CTNNA3: variants seen among roughly 807,000 people sequenced by gnomAD.
The protein encoded by CTNNA3 is catenin alpha 3, also known as catenin alpha-3.
CTNNA3 carries 76 observed loss-of-function variants against 95.7 expected under a neutral mutation model. The observed-to-expected ratio is 0.79, with a 90% CI of 0.66 to 0.96. The LOEUF (loss-of-function observed/expected upper bound fraction) is 0.96, where lower values mean the gene tolerates loss of function less well. Among genes scored for constraint, CTNNA3 ranks in the 40% least tolerant of loss-of-function variants. The pLI, the probability that CTNNA3 is intolerant of heterozygous loss-of-function variation, is 0.00. For missense variants in CTNNA3, 1,191 were observed against 1,089.8 expected (o/e 1.09, Z -1.31); for synonymous variants, 431 against 374.4 (o/e 1.15, Z -1.74).
chr10:66,863,347 A>G (rs1268443754), intron 7 of CTNNA3, among the ~76,000 whole-genome samples: 1 of 152,146 alleles, frequency 6.6e-6, no homozygotes, highest in African/African-American at 2.4e-5. Flanking sequence ...ATCATCCGCT[A>G]TATGGCATGG....
chr10:66,139,142 T>A (rs1231398918), intron 13 of CTNNA3, among the ~76,000 whole-genome samples: 3 of 152,200 alleles, frequency 2.0e-5, no homozygotes, highest in Non-Finnish European at 4.4e-5. Context: ...CTAAGATTCC[T>A]CTTAGATTTA....
intron 5 of CTNNA3, among the ~76,000 whole-genome samples, chr10:67,387,328 C>T (rs987416759): frequency 6.6e-6 from 1 of 152,180 alleles, no homozygotes; most frequent in Non-Finnish European, 1.5e-5. Context: ...GTCACTCCCA[C>T]CCGAATACTG....
chr10:67,682,341 A>G (rs1412766408), intron 1 of CTNNA3, among the ~76,000 whole-genome samples: 1 of 151,492 alleles, frequency 6.6e-6, no homozygotes, highest in Non-Finnish European at 1.5e-5. Flanking sequence ...AAAAAAAAAG[A>G]CTCAATAGAA....
chr10:65,921,545 A>C (rs2077086176), intron 17 of CTNNA3, among the ~76,000 whole-genome samples: 1 of 152,242 alleles, frequency 6.6e-6, no homozygotes, highest in Non-Finnish European at 1.5e-5. Flanking sequence ...TTTGGATTCA[A>C]GACTGTTACC....
At chr10:67,344,304 C>T (rs1340868103) in intron 5 of CTNNA3, among the ~76,000 whole-genome samples, 2 of 150,894 alleles carry the variant, frequency 1.3e-5, no homozygotes, top group Admixed American at 1.3e-4. Flanking sequence ...TTTTCTTTCT[C>T]TTTTTTTTTC....
At chr10:67,034,107 A>G (rs1853898497) in intron 7 of CTNNA3, among the ~76,000 whole-genome samples, 1 of 152,052 alleles carries the variant, frequency 6.6e-6, no homozygotes, top group Non-Finnish European at 1.5e-5. Flanking sequence ...AAGCTGACAC[A>G]TTGTTAGAAC....
chr10:66,062,542 G>A (rs938188324), intron 15 of CTNNA3, among the ~76,000 whole-genome samples: 7 of 152,034 alleles, frequency 4.6e-5, no homozygotes, highest in Admixed American at 2.0e-4. Flanking sequence ...AAAACATTAC[G>A]GTGTCTGAGA....
chr10:66,646,704 C>T (rs1845719119), intron 9 of CTNNA3, among the ~76,000 whole-genome samples: 2 of 152,144 alleles, frequency 1.3e-5, no homozygotes, highest in Non-Finnish European at 2.9e-5. Context: ...ACCTGAGCTT[C>T]CATCATTCAC....
chr10:66,280,575 T>C lies in CTNNA3; in HGVS notation c.1779A>G (p.Leu593=), dbSNP rs1448084878. ...VTQVNVALEA[L]SKSSLNVLDD... ...CCAACACATTCAATGAGCTTTTGCT[T>C]AAGGCTTCCAAGGCAACATTCACTT... The change falls in exon 13 of 18, where the codon TTA becomes TTG. Residue 593 remains leucine, a synonymous_variant. Coordinates refer to ENST00000433211, the MANE Select transcript of CTNNA3 (RefSeq NM_013266.4). 3 of 1,609,156 alleles carry C rather than the reference T, an allele frequency of 1.9e-6. No individual in the cohort carries two copies. Among genetic ancestry groups the C allele is most frequent in the Non-Finnish European group, 2.5e-6 (3 of 1,177,706 alleles).
intron 3 of CTNNA3, among the ~76,000 whole-genome samples, chr10:67,566,041 G>GTATATATATATATA (rs1388066358): frequency 0.014 from 421 of 29,306 alleles, 13 homozygotes; most frequent in Non-Finnish European, 0.016. Flanking sequence ...ATATGTGTGT[G>GTATATATATATATA]TGTATATATA....
At chr10:67,195,245 T>C (rs1048339575) in intron 6 of CTNNA3, among the ~76,000 whole-genome samples, 3 of 152,096 alleles carry the variant, frequency 2.0e-5, no homozygotes, top group Non-Finnish European at 2.9e-5. Flanking sequence ...ATGTTTTTAC[T>C]AATGAAATAA....
chr10:66,403,988 G>C (rs983180100), intron 11 of CTNNA3, among the ~76,000 whole-genome samples: 1 of 152,090 alleles, frequency 6.6e-6, no homozygotes, highest in Non-Finnish European at 1.5e-5. Context: ...TTCTAAAATC[G>C]CTTACTGATC....
At chr10:67,720,058 C>T (rs867113042) in intron 1 of CTNNA3, among the ~76,000 whole-genome samples, 12 of 137,352 alleles carry the variant, frequency 8.7e-5, no homozygotes, top group African/African-American at 3.3e-4. Flanking sequence ...TATGTAATGC[C>T]CTTCTTTGTC....
rs567361404 is a variant in CTNNA3, at chr10:66,744,866, T to G, written c.1281+21398A>C. Among the ~76,000 whole-genome samples, 9 of 152,302 alleles carry G rather than the reference T, an allele frequency of 5.9e-5. No individual in the cohort carries two copies. In the South Asian group the frequency reaches 1.9e-3, roughly 32 times the overall value. On this transcript the variant is annotated intron_variant, in intron 9 of 17. Transcript: ENST00000433211. ...ATCTTTAGGAGTTCTAGGGTTTTTA[T>G]GTTGAGGAATAAATTGTAATAAAAT...
intron 5 of CTNNA3, among the ~76,000 whole-genome samples, chr10:67,244,099 A>G (rs1335228651): frequency 6.6e-6 from 1 of 152,216 alleles, no homozygotes; most frequent in African/African-American, 2.4e-5. Flanking sequence ...GGAAATCACA[A>G]CTGCAAAAAA....
rs1281912542 is a variant in CTNNA3, at chr10:65,919,232, C to A, written c.*1098G>T. The A allele has an allele frequency of 6.6e-6, 1 of 152,084 alleles. No homozygotes were observed. Among genetic ancestry groups the A allele is most frequent in the Non-Finnish European group, 1.5e-5 (1 of 68,010 alleles). 9.4% of individuals were successfully genotyped at this position (152,084 alleles called of 1,614,324 possible). ...ACTATTATGAAGTCCATTATGAACT[C>A]AACTAGGAATGAACACAGTGACTGG... is the stretch of plus-strand genomic sequence containing the variant. On this transcript the variant is annotated 3_prime_UTR_variant, in exon 18 of 18. Coordinates refer to ENST00000433211, the MANE Select transcript of CTNNA3 (RefSeq NM_013266.4).
At chr10:67,506,766 A>G (rs1467806758) in intron 5 of CTNNA3, among the ~76,000 whole-genome samples, 1 of 152,224 alleles carries the variant, frequency 6.6e-6, no homozygotes, top group Non-Finnish European at 1.5e-5. Flanking sequence ...GTAGAGATGT[A>G]CAGCTTGGAT....
At chr10:67,045,603 G>A (rs988083080) in intron 7 of CTNNA3, among the ~76,000 whole-genome samples, 5 of 152,170 alleles carry the variant, frequency 3.3e-5, no homozygotes, top group Non-Finnish European at 4.4e-5. Context: ...CGGGCAAGGG[G>A]GCAGCTGCCT....
At chr10:67,712,085 G>A (rs1008390400) in intron 1 of CTNNA3, among the ~76,000 whole-genome samples, 20 of 152,036 alleles carry the variant, frequency 1.3e-4, no homozygotes, top group African/African-American at 3.1e-4. Flanking sequence ...ACATGCACAC[G>A]TATGTTTATT....
Sources: allele counts gnomAD v4.1 joint callset (sites outside exome capture counted in the v4.1 genomes callset), GRCh38; gene constraint gnomAD v4.1.1; transcripts MANE v1.5; gene names NCBI Gene and HGNC (gene_info 2026-07-23, HGNC 2026-07-21).